DLG2: variants seen among roughly 807,000 people sequenced by gnomAD.
The protein encoded by DLG2 is disks large homolog 2.
In DLG2, 45 loss-of-function variants were observed where a neutral mutation model predicts 132.5. The ratio of observed to expected loss-of-function variants is 0.34; its 90% CI spans 0.27 to 0.44. The LOEUF (loss-of-function observed/expected upper bound fraction) is 0.44. Among genes scored for constraint, DLG2 ranks in the 20% least tolerant of loss-of-function variants. The pLI, the probability that DLG2 is intolerant of heterozygous loss-of-function variation, is 1.00. For synonymous variants in DLG2, 424 were observed against 419.6 expected (o/e 1.01, Z -0.13); for missense variants, 1,045 against 1,196.9 (o/e 0.87, Z 1.87).
intron 6 of DLG2, among the ~76,000 whole-genome samples, chr11:84,750,254 T>G (rs952807893): frequency 6.6e-6 from 1 of 152,156 alleles, no homozygotes; most frequent in Non-Finnish European, 1.5e-5. Flanking sequence ...GCTGCACAGA[T>G]CATCTCATCA....
intron 19 of DLG2, among the ~76,000 whole-genome samples, chr11:83,630,288 C>G (rs567467431): frequency 1.5e-4 from 23 of 152,240 alleles, no homozygotes; most frequent in Middle Eastern, 3.4e-3. Flanking sequence ...GGTACATTCT[C>G]TCTGACACCA....
At chr11:85,296,964 TAA>T (rs1410978409) in intron 3 of DLG2, among the ~76,000 whole-genome samples, 1 of 150,630 alleles carries the variant, frequency 6.6e-6, no homozygotes, top group Admixed American at 6.6e-5. Context: ...ATTAATTATA[TAA>T]AGTTAATTAT....
chr11:83,812,800 T>A (rs2047695403), intron 17 of DLG2, among the ~76,000 whole-genome samples: 2 of 152,108 alleles, frequency 1.3e-5, no homozygotes, highest in African/African-American at 4.8e-5. Flanking sequence ...GGGACCAGAA[T>A]TGTGGGAAAT....
At chr11:84,917,284 A>G (rs1002368634) in intron 6 of DLG2, among the ~76,000 whole-genome samples, 4 of 152,252 alleles carry the variant, frequency 2.6e-5, no homozygotes, top group African/African-American at 9.6e-5. Flanking sequence ...AAAGAAGCCA[A>G]GAAAAGGAAT....
In DLG2 at chr11:84,045,454, T is replaced by A. The variant is rs942993745; in HGVS notation, c.919+13861A>T. Among the ~76,000 whole-genome samples the A allele has an allele frequency of 7.9e-5, 12 of 151,872 alleles. No homozygotes were observed. The East Asian group carries it at 2.1e-3, about 27-fold the overall frequency. ...GTATAAGTCTACAAATACAAAATTA[T>A]TCTAAAATAAAATGTAATAGATCTG... On this transcript the variant is annotated intron_variant, in intron 11 of 27. Coordinates refer to ENST00000376104, the MANE Select transcript of DLG2 (RefSeq NM_001142699.3).
intron 6 of DLG2, among the ~76,000 whole-genome samples, chr11:84,879,839 T>C (rs2087003745): frequency 6.6e-6 from 1 of 152,134 alleles, no homozygotes; most frequent in Non-Finnish European, 1.5e-5. Flanking sequence ...GTAAAAGATA[T>C]CAAGCTCCGC....
chr11:84,669,731 C>A (rs2099703687), intron 6 of DLG2, among the ~76,000 whole-genome samples: 1 of 151,996 alleles, frequency 6.6e-6, no homozygotes, highest in Non-Finnish European at 1.5e-5. Context: ...GGCCACCTGA[C>A]AATATTTTGA....
At chr11:84,261,218 T>C (rs2097544142) in intron 7 of DLG2, among the ~76,000 whole-genome samples, 1 of 152,172 alleles carries the variant, frequency 6.6e-6, no homozygotes, top group South Asian at 2.1e-4. Context: ...CACTAAATTA[T>C]TGCTATTTAG....
At chr11:84,631,891 G>A (rs974110561) in intron 6 of DLG2, among the ~76,000 whole-genome samples, 7 of 152,036 alleles carry the variant, frequency 4.6e-5, no homozygotes, top group African/African-American at 1.7e-4. Context: ...AACTTCTCTG[G>A]CATAGTTTTT....
intron 6 of DLG2, among the ~76,000 whole-genome samples, chr11:84,737,597 G>T (rs2064023284): frequency 6.6e-6 from 1 of 151,730 alleles, no homozygotes. Context: ...TGGGGGATGT[G>T]ATATTATATT....
At chr11:84,849,512 T>C (rs1017090547) in intron 6 of DLG2, among the ~76,000 whole-genome samples, 17 of 152,138 alleles carry the variant, frequency 1.1e-4, no homozygotes, top group Admixed American at 5.9e-4. Context: ...CCTTTTTTTT[T>C]CCTAGACCCT....
intron 7 of DLG2, among the ~76,000 whole-genome samples, chr11:84,378,552 C>T (rs2098737950): frequency 1.3e-5 from 2 of 152,000 alleles, no homozygotes; most frequent in African/African-American, 4.8e-5. Flanking sequence ...GGGGAAAAAT[C>T]TCGCCTGAGA....
At position 84,641,924 on chromosome 11, in the gene DLG2, T is replaced by C. The variant is rs372673425; in HGVS notation, c.358-107193A>G. Among the ~76,000 whole-genome samples, 398 of 151,632 alleles carry C rather than the reference T, an allele frequency of 2.6e-3. 4 individuals are homozygous for C. The highest frequency in any genetic ancestry group is 4.8e-3 in the Non-Finnish European group (327 of 67,854). On this transcript the variant is annotated intron_variant, in intron 6 of 27. Coordinates refer to ENST00000376104, the MANE Select transcript of DLG2 (RefSeq NM_001142699.3). ...ACTGTACATGTGTGGATATGTTATATATACACACACACACATACACACATC... is the reference window on the plus strand; with the variant it reads ...ACTGTACATGTGTGGATATGTTATACATACACACACACACATACACACATC...
intron 6 of DLG2, among the ~76,000 whole-genome samples, chr11:84,647,641 T>C (rs557815762): frequency 6.6e-6 from 1 of 152,334 alleles, no homozygotes; most frequent in East Asian, 1.9e-4. Flanking sequence ...GATCATAAAT[T>C]CCTTGAGGAT....
intron 6 of DLG2, among the ~76,000 whole-genome samples, chr11:84,613,932 CTCTT>C (rs1388979005): frequency 2.0e-5 from 3 of 152,096 alleles, no homozygotes; most frequent in Admixed American, 1.3e-4. Context: ...TATAGATCCT[CTCTT>C]TCATATTTGT....
Position 85,384,906 on chromosome 11 carries a change from G to A in DLG2, c.41-99541C>T, listed in dbSNP as rs190676913. ...AATCTTAGTCTCAATTTCCTCGTTTGTAAATTGAAGATTATAATATTTAGG... is the reference window on the plus strand; with the variant it reads ...AATCTTAGTCTCAATTTCCTCGTTTATAAATTGAAGATTATAATATTTAGG... On this transcript the variant is annotated intron_variant, in intron 3 of 27. Coordinates refer to ENST00000376104, the MANE Select transcript of DLG2 (RefSeq NM_001142699.3). 1.4e-4 allele frequency among the ~76,000 whole-genome samples: 21 copies of A among 152,276 alleles called. 1 individual carries two copies. The highest frequency in any genetic ancestry group is 4.1e-4 in the African/African-American group (17 of 41,552).
intron 6 of DLG2, among the ~76,000 whole-genome samples, chr11:84,964,923 G>A (rs747174374): frequency 1.3e-5 from 2 of 152,058 alleles, no homozygotes; most frequent in East Asian, 1.9e-4. Flanking sequence ...ACACATATAC[G>A]AAGTGTGATT....
chr11:85,161,441 T>G (rs939670401), intron 4 of DLG2, among the ~76,000 whole-genome samples: 1 of 152,222 alleles, frequency 6.6e-6, no homozygotes, highest in African/African-American at 2.4e-5. Context: ...TTCCTCAGGA[T>G]GATCAGCCAG....
chr11:85,487,438 T>C lies in DLG2; in HGVS notation c.40+111219A>G, dbSNP rs143524843. Among the ~76,000 whole-genome samples, 676 of 143,444 alleles carry C rather than the reference T, an allele frequency of 4.7e-3. 1 individual carries two copies. The highest frequency in any genetic ancestry group is 0.016 in the African/African-American group (625 of 38,698). The allele number at this position is 143,444 out of a possible 152,430, so 94.1% of individuals were successfully genotyped here. A position where few individuals can be genotyped will look rare whatever the true frequency, so the allele number is the denominator to read the frequency against. ...AAAAAATTAAAAAAAAAAAAAAACC[T>C]CAGGATATGATGAAAATTTTACCAA... On this transcript the variant is annotated intron_variant, in intron 3 of 27. Transcript: ENST00000376104.
Sources: allele counts gnomAD v4.1 joint callset (sites outside exome capture counted in the v4.1 genomes callset), GRCh38; gene constraint gnomAD v4.1.1; transcripts MANE v1.5; gene names NCBI Gene and HGNC (gene_info 2026-07-23, HGNC 2026-07-21).